Variants in EDA2R observed in about 807,000 individuals in gnomAD.
EDA2R encodes tumor necrosis factor receptor superfamily member 27.
EDA2R carries 26 observed loss-of-function variants against 20.1 expected under a neutral mutation model. That is an observed-to-expected ratio of 1.30 (90% CI 0.95 to 1.80). The LOEUF (loss-of-function observed/expected upper bound fraction) is 1.80, where lower values mean the gene tolerates loss of function less well. EDA2R is among the 40% of genes most tolerant of loss of function. The probability of loss-of-function intolerance (pLI) is 0.00; values close to 1 mark genes in which losing one functional copy is unlikely to be tolerated. For synonymous variants in EDA2R, 114 were observed against 88.7 expected, an observed-to-expected ratio of 1.29 and a Z score of -1.60; for missense variants, 277 against 228.7, an observed-to-expected ratio of 1.21 and a Z score of -1.36.
chrX:66,599,396 A>C, intron 6 of EDA2R, 78 bp downstream of exon 6: 2 of 1,040,766 alleles, frequency 1.9e-6, no homozygotes, highest in Non-Finnish European at 2.5e-6. Flanking sequence ...TACTATTCCA[A>C]AAGAGAATTC....
chrX:66,625,136 T>TAAC (rs1361204580), intron 1 of EDA2R, among the ~76,000 whole-genome samples: 4 of 111,549 alleles, frequency 3.6e-5, no homozygotes, highest in Non-Finnish European at 7.5e-5. Flanking sequence ...CTGAACTTTG[T>TAAC]AACAATTTGA....
Position 66,602,646 on chromosome X carries a change from T to C in EDA2R, c.504A>G (p.Arg168=). ...FFLYCKQFFN[R]HCQRGGLLQF... The stretch of plus-strand genomic sequence containing the variant: ...AGCCACCCTTACCACGCTGGCAATG[T>C]CTGTTGAAGAACTGCTTGCAGTAGA... Residue 168 remains arginine, a synonymous_variant, in exon 5 of 7, where the codon AGA becomes AGG. Coordinates refer to ENST00000374719, the MANE Select transcript of EDA2R (RefSeq NM_021783.5). The C allele has an allele frequency of 5.0e-6, 6 of 1,198,987 alleles. No homozygotes were observed. Among genetic ancestry groups the C allele is most frequent in the Non-Finnish European group, 5.6e-6 (5 of 889,147 alleles).
chrX:66,626,793 GGGAGGGGAGGGGAGGGGAGA>G (rs1378083476), intron 1 of EDA2R, among the ~76,000 whole-genome samples: 7 of 93,928 alleles, frequency 7.5e-5, no homozygotes, highest in African/African-American at 2.4e-4. Flanking sequence ...AGGAGGGAAG[GGGAGGGGAGGGGAGGGGAGA>G]GGAGGACAGG....
intron 5 of EDA2R, 180 bp from the exon 6 acceptor site, chrX:66,600,040 T>C: frequency 8.6e-7 from 1 of 1,160,864 alleles, no homozygotes; most frequent in Non-Finnish European, 1.2e-6. Context: ...CATACTTACA[T>C]TCAGGTATCA....
chrX:66,615,628 G>A (rs113576672), intron 2 of EDA2R, among the ~76,000 whole-genome samples: 230 of 111,471 alleles, frequency 2.1e-3, no homozygotes, highest in African/African-American at 7.2e-3. Context: ...TGAACACCAT[G>A]TGGTTGGGCC....
At chrX:66,631,212 G>A (rs951962551) in intron 1 of EDA2R, among the ~76,000 whole-genome samples, 1 of 110,747 alleles carries the variant, frequency 9.0e-6, no homozygotes, top group Non-Finnish European at 1.9e-5. Flanking sequence ...TTGGAGGGAA[G>A]GCAGTGAAGG....
At chrX:66,622,601 C>A (rs149245348) in intron 1 of EDA2R, among the ~76,000 whole-genome samples, 1 of 111,910 alleles carries the variant, frequency 8.9e-6, no homozygotes, top group East Asian at 2.8e-4. Flanking sequence ...TCCTCTACTG[C>A]GAGCCCATCT....
chrX:66,605,335 T>A lies in EDA2R; in HGVS notation c.88-109A>T, dbSNP rs5964553. ...TAGTATTTTGCAACTTGCAACCCCATTACTAAGTCATAAAACCAATTCACT... is the reference window on the plus strand; with the variant it reads ...TAGTATTTTGCAACTTGCAACCCCAATACTAAGTCATAAAACCAATTCACT... On this transcript the variant is annotated intron_variant, in intron 2 of 6. Coordinates refer to ENST00000374719, the MANE Select transcript of EDA2R (RefSeq NM_021783.5). 11,766 of 664,983 alleles carry A rather than the reference T, an allele frequency of 0.018. 958 individuals are homozygous for A. The African/African-American group carries it at 0.23, about 13-fold the overall frequency. 54.8% of individuals were successfully genotyped at this position (664,983 alleles called of 1,213,427 possible).
At chrX:66,599,957 G>C (rs1444352535) in intron 5 of EDA2R, 97 bp from the exon 6 acceptor site, 1 of 1,138,922 alleles carries the variant, frequency 8.8e-7, no homozygotes, top group African/African-American at 1.8e-5. Context: ...AAAGGTCTGG[G>C]AGCTGATTCT....
chrX:66,635,561 G>A (rs1934240499), intron 1 of EDA2R, among the ~76,000 whole-genome samples: 1 of 112,340 alleles, frequency 8.9e-6, no homozygotes, highest in African/African-American at 3.2e-5. Context: ...TCTCAAAGAG[G>A]GAATAACTGG....
intron 2 of EDA2R, among the ~76,000 whole-genome samples, chrX:66,613,118 A>T (rs867559426): frequency 6.5e-4 from 73 of 111,734 alleles, no homozygotes; most frequent in African/African-American, 2.3e-3. Flanking sequence ...TTATACTGGG[A>T]ATGCAGGATA....
chrX:66,605,115 T>C lies in EDA2R; in HGVS notation c.199A>G (p.Ile67Val), dbSNP rs1419746645. 3 of 1,209,536 alleles carry C rather than the reference T, an allele frequency of 2.5e-6. No homozygotes were observed. Among genetic ancestry groups the C allele is most frequent in the Admixed American group, 2.2e-5 (1 of 45,853 alleles). Residue 67 changes from isoleucine to valine, a missense_variant, in exon 3 of 7, where the codon ATC becomes GTC. Transcript: ENST00000374719. ...RCQSCITCAV[I>V]NRVQKVNCTA... Reference sequence around the variant, plus strand: ...CAGTTGACCTTCTGAACACGATTGATGACAGCACAGGTGATGCAACTCTGA... The same window carrying C: ...CAGTTGACCTTCTGAACACGATTGACGACAGCACAGGTGATGCAACTCTGA...
At chrX:66,607,919 A>G (rs898501444) in intron 2 of EDA2R, among the ~76,000 whole-genome samples, 6 of 112,282 alleles carry the variant, frequency 5.3e-5, no homozygotes, top group African/African-American at 1.9e-4. Flanking sequence ...TTAGTAGACA[A>G]AGACTAAAAG....
At position 66,595,994 on chromosome X, in the gene EDA2R, C is replaced by G. The variant is rs1352137374; in HGVS notation, c.*2110G>C. 4.8e-5 allele frequency: 5 copies of G among 105,045 alleles called. No individual in the cohort carries two copies. Among genetic ancestry groups the G allele is most frequent in the African/African-American group, 1.7e-4 (5 of 28,590 alleles). The allele number at this position is 105,045 out of a possible 1,213,427, so 8.7% of individuals were successfully genotyped here. A position where few individuals can be genotyped will look rare whatever the true frequency, so the allele number is the denominator to read the frequency against. On this transcript the variant is annotated 3_prime_UTR_variant, in exon 7 of 7. Transcript: ENST00000374719. ...TCCCAGGCTCCCTCCTGTCAAAATC[C>G]AAGTCAAGGTATATGGAGAGAAAAA...
Position 66,605,240 on chromosome X carries a change from G to A in EDA2R, c.88-14C>T. On this transcript the variant is annotated splice_polypyrimidine_tract_variant and intron_variant, in intron 2 of 6. Coordinates refer to ENST00000374719, the MANE Select transcript of EDA2R (RefSeq NM_021783.5). Reference sequence around the variant, plus strand: ...ATAACCACAATCCTGTAGACAGATGGGGGTTGTTAATATTGCTTTATAGGA... The same window carrying A: ...ATAACCACAATCCTGTAGACAGATGAGGGTTGTTAATATTGCTTTATAGGA... 8.4e-7 allele frequency: 1 copy of A among 1,193,257 alleles called. No homozygotes were observed. The highest frequency in any genetic ancestry group is 1.1e-6 in the Non-Finnish European group (1 of 885,586).
chrX:66,609,885 C>T (rs1348195435), intron 2 of EDA2R, among the ~76,000 whole-genome samples: 2 of 111,094 alleles, frequency 1.8e-5, no homozygotes, highest in African/African-American at 6.5e-5. Context: ...ACACTATACA[C>T]CAAAATAGAT....
chrX:66,613,622 C>A (rs772134086), intron 2 of EDA2R, among the ~76,000 whole-genome samples: 1 of 111,585 alleles, frequency 9.0e-6, no homozygotes, highest in South Asian at 3.8e-4. Flanking sequence ...GGACCCCGAA[C>A]AGAGGGCCAC....
intron 1 of EDA2R, among the ~76,000 whole-genome samples, chrX:66,630,480 C>A (rs765865827): frequency 5.4e-5 from 6 of 110,705 alleles, no homozygotes; most frequent in Non-Finnish European, 1.1e-4. Context: ...ACAATGAACT[C>A]AAAAAAATCA....
chrX:66,598,919 C>T (rs946388836), intron 6 of EDA2R, among the ~76,000 whole-genome samples: 1 of 111,558 alleles, frequency 9.0e-6, no homozygotes. Flanking sequence ...TGAACCAACT[C>T]TAAAATGTAG....
Sources: allele counts gnomAD v4.1 joint callset (sites outside exome capture counted in the v4.1 genomes callset), GRCh38; gene constraint gnomAD v4.1.1; transcripts MANE v1.5; gene names NCBI Gene and HGNC (gene_info 2026-07-23, HGNC 2026-07-21).